The following ABAT variants were observed in gnomAD, a reference collection of about 807,000 sequenced individuals.
The protein encoded by ABAT is 4-aminobutyrate aminotransferase, also known as 4-aminobutyrate aminotransferase, mitochondrial.
A neutral mutation model predicts 64.6 loss-of-function variants in ABAT; 45 were observed. The ratio of observed to expected loss-of-function variants is 0.70; its 90% CI spans 0.55 to 0.89. The LOEUF (loss-of-function observed/expected upper bound fraction) is 0.89, where lower values mean the gene tolerates loss of function less well. ABAT is among the 40% of genes least tolerant of loss of function. ABAT has a pLI of 0.00. For missense variants in ABAT, 633 were observed against 658.4 expected (o/e 0.96, Z 0.42); for synonymous variants, 297 against 250.5 (o/e 1.19, Z -1.75).
chr16:8,736,012 AT>A, intron 2 of ABAT: 1 of 571,870 alleles, frequency 1.7e-6, no homozygotes, highest in Non-Finnish European at 3.1e-6. Context: ...AAGAGGTTTA[AT>A]GGTCTCACAG....
intron 5 of ABAT, chr16:8,757,256 C>G (rs771327881): frequency 2.3e-6 from 1 of 435,064 alleles, no homozygotes; most frequent in South Asian, 1.7e-5. Context: ...CAACCTCCGC[C>G]TCTTGTGTTC....
chr16:8,784,294 C>T lies in ABAT; in HGVS notation c.*2864C>T, dbSNP rs371169266. On this transcript the variant is annotated 3_prime_UTR_variant, in exon 16 of 16. Transcript: ENST00000268251. Reference sequence around the variant, plus strand: ...GGTGTTTTTTCATAATTTTTACTGACGCTCAGTAACCATGCAAAATTGTGT... The same window carrying T: ...GGTGTTTTTTCATAATTTTTACTGATGCTCAGTAACCATGCAAAATTGTGT... The T allele has an allele frequency of 1.3e-5, 2 of 152,558 alleles. No homozygotes were observed. The highest frequency in any genetic ancestry group is 2.9e-5 in the Non-Finnish European group (2 of 68,022). The allele number at this position is 152,558 out of a possible 1,614,324, so 9.5% of individuals were successfully genotyped here. A position where few individuals can be genotyped will look rare whatever the true frequency, so the allele number is the denominator to read the frequency against.
At position 8,781,586 on chromosome 16, in the gene ABAT, G is replaced by A; in HGVS notation, c.*156G>A. ...GAGCATTTTTGGTGGTCTTGGGGGA[G>A]GGGAGGGGAGGGAAGGGCTGGTGTT... On this transcript the variant is annotated 3_prime_UTR_variant, in exon 16 of 16. Transcript: ENST00000268251. The surrounding 1 kb of genome is among the most constrained non-coding windows in gnomAD (Gnocchi z 4.5). The A allele has an allele frequency of 1.1e-6, 1 of 916,858 alleles. No individual in the cohort carries two copies. Among genetic ancestry groups the A allele is most frequent in the South Asian group, 1.4e-5 (1 of 70,370 alleles). The allele number at this position is 916,858 out of a possible 1,614,324, so 56.8% of individuals were successfully genotyped here.
At chr16:8,701,531 G>A (rs757536369) in intron 1 of ABAT, among the ~76,000 whole-genome samples, 3 of 152,232 alleles carry the variant, frequency 2.0e-5, no homozygotes, top group East Asian at 1.9e-4. Flanking sequence ...TTCACTATCC[G>A]ATGTGACTGA....
chr16:8,738,487 C>T (rs1410462894), intron 2 of ABAT: 1 of 455,740 alleles, frequency 2.2e-6, no homozygotes, highest in Non-Finnish European at 4.4e-6. Context: ...TCTCATCTTC[C>T]ATGGCCTCCT....
chr16:8,770,206 C>G (rs548389026), intron 11 of ABAT, among the ~76,000 whole-genome samples: 32 of 152,218 alleles, frequency 2.1e-4, no homozygotes, highest in African/African-American at 7.5e-4. Flanking sequence ...GGCGCGATCT[C>G]AGCTCACTGC....
At position 8,699,899 on chromosome 16, in the gene ABAT, G is replaced by A. The variant is rs143959698; in HGVS notation, c.-42+25188G>A. On this transcript the variant is annotated intron_variant, in intron 1 of 15. Transcript: ENST00000268251. ...CACGATCACGGCTGACTGCAACCTC[G>A]ACCTCTTGGGCTCAGGTGATTCTCC... 4.6e-5 allele frequency among the ~76,000 whole-genome samples: 7 copies of A among 152,076 alleles called. No individual in the cohort carries two copies. The East Asian group carries it at 1.4e-3, about 30-fold the overall frequency.
At chr16:8,684,943 T>C (rs952417555) in intron 1 of ABAT, among the ~76,000 whole-genome samples, 9 of 152,074 alleles carry the variant, frequency 5.9e-5, no homozygotes, top group African/African-American at 2.2e-4. Context: ...AATTTGCTTG[T>C]CTATCAGTTT....
chr16:8,743,683 A>C (rs1268157886), intron 2 of ABAT, among the ~76,000 whole-genome samples: 3 of 48,098 alleles, frequency 6.2e-5, no homozygotes, highest in African/African-American at 2.0e-4. Flanking sequence ...TATATATTTT[A>C]GTTATAATAT....
At chr16:8,725,307 C>T (rs928023225) in intron 1 of ABAT, among the ~76,000 whole-genome samples, 8 of 152,208 alleles carry the variant, frequency 5.3e-5, no homozygotes, top group Admixed American at 3.9e-4. Flanking sequence ...GCAGCCACCA[C>T]CGCTATCTAA....
chr16:8,691,946 A>G (rs2057593310), intron 1 of ABAT, among the ~76,000 whole-genome samples: 1 of 152,068 alleles, frequency 6.6e-6, no homozygotes, highest in Non-Finnish European at 1.5e-5. Context: ...CAACTTCTAT[A>G]CCCCTTCCAG....
At chr16:8,778,490 T>C (rs557675592) in intron 14 of ABAT, among the ~76,000 whole-genome samples, 14 of 152,206 alleles carry the variant, frequency 9.2e-5, no homozygotes, top group African/African-American at 3.4e-4. Context: ...ATACCAGTCA[T>C]TGAGCCGGGC....
intron 1 of ABAT, among the ~76,000 whole-genome samples, chr16:8,719,616 G>T (rs1369704884): frequency 6.6e-6 from 1 of 152,100 alleles, no homozygotes. Flanking sequence ...GTTGAGGCTG[G>T]TAGCAGGACC....
At chr16:8,746,965 C>G (rs995891162) in intron 3 of ABAT, among the ~76,000 whole-genome samples, 1 of 152,180 alleles carries the variant, frequency 6.6e-6, no homozygotes, top group Non-Finnish European at 1.5e-5. Flanking sequence ...TGGCTTGAAT[C>G]ACTGCAGTGA....
chr16:8,772,252 CTGTGTGTGTGTGTGTGTGTGTG>C lies in ABAT; in HGVS notation c.817-497_817-476del, dbSNP rs55677241. ...ACTCTGCTGTATTTTCTCTCTGTCT[CTGTGTGTGTGTGTGTGTGTGTG>C]TGTGTGTGTGTGTGTGTGTGTGTGT... On this transcript the variant is annotated intron_variant, in intron 11 of 15. Coordinates refer to ENST00000268251, the MANE Select transcript of ABAT (RefSeq NM_020686.6). 7.4e-3 allele frequency among the ~76,000 whole-genome samples: 1,099 copies of C among 147,964 alleles called. 3 individuals carry two copies. Among genetic ancestry groups the C allele is most frequent in the Non-Finnish European group, 0.01 (681 of 66,958 alleles).
At chr16:8,740,286 C>T (rs2059127039) in intron 2 of ABAT, among the ~76,000 whole-genome samples, 1 of 152,170 alleles carries the variant, frequency 6.6e-6, no homozygotes, top group African/African-American at 2.4e-5. Flanking sequence ...CTCACAGTTT[C>T]TGCGGGTTGG....
intron 1 of ABAT, among the ~76,000 whole-genome samples, chr16:8,732,810 G>A (rs2058774237): frequency 6.7e-6 from 1 of 149,258 alleles, no homozygotes; most frequent in African/African-American, 2.5e-5. Context: ...GGGCAGAGGC[G>A]CCCCTCACCT....
In ABAT at chr16:8,682,128, A is replaced by C. The variant is rs572963063; in HGVS notation, c.-42+7417A>C. ...CCCCTGGTTGAGAATCACCGGTTAG[A>C]GGCTAAGACAGCCGTGTATATCTAT... On this transcript the variant is annotated intron_variant, in intron 1 of 15. Coordinates refer to ENST00000268251, the MANE Select transcript of ABAT (RefSeq NM_020686.6). 5.3e-5 allele frequency among the ~76,000 whole-genome samples: 8 copies of C among 151,984 alleles called. No homozygotes were observed. In the South Asian group the frequency reaches 1.7e-3, roughly 32 times the overall value.
At chr16:8,738,714 G>A (rs960915664) in intron 2 of ABAT, among the ~76,000 whole-genome samples, 4 of 147,796 alleles carry the variant, frequency 2.7e-5, no homozygotes, top group Admixed American at 6.8e-5. Context: ...GTGCAATCTC[G>A]ACTCACTGCA....
Sources: gnomAD v4.1 joint callset for allele counts (sites outside exome capture counted in the v4.1 genomes callset) on GRCh38, gnomAD v4.1.1 for gene constraint, Gnocchi (gnomAD v3.1) non-coding constraint, MANE v1.5 for transcripts, NCBI Gene and HGNC (gene_info 2026-07-23, HGNC 2026-07-21) for gene names.